MPIG6B: variants seen among roughly 807,000 people sequenced by gnomAD.
MPIG6B encodes immunoglobulin receptor.
A neutral mutation model predicts 24.2 loss-of-function variants in MPIG6B; 22 were observed. That is an observed-to-expected ratio of 0.91 (90% CI 0.65 to 1.30). The LOEUF (loss-of-function observed/expected upper bound fraction) is 1.30, where lower values mean the gene tolerates loss of function less well. Ranked by LOEUF, MPIG6B falls within the 50% of genes most tolerant of loss-of-function variation. MPIG6B has a pLI of 0.00. For missense variants in MPIG6B, 301 were observed against 318.5 expected, an observed-to-expected ratio of 0.94 and a Z score of 0.42; for synonymous variants, 136 against 142.0, an observed-to-expected ratio of 0.96 and a Z score of 0.30.
upstream of MPIG6B, among the ~76,000 whole-genome samples, chr6:31,722,818 G>A (rs1806897524): frequency 1.5e-5 from 2 of 132,060 alleles, no homozygotes; most frequent in Non-Finnish European, 1.5e-5. Context: ...TTGCACTCCA[G>A]CCTGGCCACA....
chr6:31,723,028 G>A (rs1037866973), upstream of MPIG6B: 3 of 382,546 alleles, frequency 7.8e-6, no homozygotes, highest in African/African-American at 2.1e-5. This position sits in a 1 kb window ranked among gnomAD's most constrained non-coding sequence, Gnocchi z 4.3. Flanking sequence ...TGTCGCCCAG[G>A]CTGGAGTGCA....
rs1466411074 is a variant in MPIG6B at position 31,723,421 on chromosome 6, C to T, written c.38C>T (p.Ser13Leu). ...VFLQLLPLLLSRAQGNPGASL... is the reference protein window; with the variant it reads ...VFLQLLPLLLLRAQGNPGASL... ...CTGCAGCTGCTACCGCTGCTGCTCT[C>T]GAGGGCCCAAGGGAACCCTGGGGGT... The change falls in exon 1 of 6, where the codon TCG becomes TTG. Residue 13 changes from serine (S) to leucine (L), a missense_variant. Physicochemically the swap from Ser to Leu is moderately radical, Grantham distance 145. Transcript: ENST00000649779. This position sits in a 1 kb window ranked among gnomAD's most constrained non-coding sequence, Gnocchi z 4.3. 1.9e-6 allele frequency: 3 copies of T among 1,612,972 alleles called. No individual in the cohort carries two copies. Among genetic ancestry groups the T allele is most frequent in the African/African-American group, 2.7e-5 (2 of 75,008 alleles).
At position 31,723,780 on chromosome 6, in the gene MPIG6B, C is replaced by T. The variant is rs1374385431; in HGVS notation, c.203C>T (p.Ser68Leu). 6.8e-6 allele frequency: 11 copies of T among 1,613,812 alleles called. No individual in the cohort carries two copies. The highest frequency in any genetic ancestry group is 9.3e-6 in the Non-Finnish European group (11 of 1,180,002). ...CGCCGACCGATCCTGTGGGCCTCTT[C>T]GAGCGGGACCCCCACCGTGCCTCCC... is the stretch of plus-strand genomic sequence containing the variant. ...KGRRPILWAS[S>L]SGTPTVPPLQ... The change falls in exon 2 of 6, where the codon TCG (serine) becomes TTG (leucine). Residue 68 changes from serine to leucine, a missense_variant. Ser to Leu is a moderately radical substitution (Grantham distance 145). Transcript: ENST00000649779. This position sits in a 1 kb window ranked among gnomAD's most constrained non-coding sequence, Gnocchi z 4.3.
intron 4 of MPIG6B, 54 bp from the exon 5 acceptor site, chr6:31,724,711 G>A (rs762329076): frequency 3.1e-6 from 5 of 1,607,120 alleles, no homozygotes; most frequent in Admixed American, 1.7e-5. Context: ...CTTGCTGGGA[G>A]CAGACACGTT....
At position 31,726,057 on chromosome 6, in the gene MPIG6B, A is replaced by G. The variant is rs1032544750; in HGVS notation, c.*983A>G. 1 of 152,358 alleles carries G rather than the reference A, an allele frequency of 6.6e-6. No individual in the cohort carries two copies. The highest frequency in any genetic ancestry group is 6.5e-5 in the Admixed American group (1 of 15,268). The allele number at this position is 152,358 out of a possible 1,614,324, so 9.4% of individuals were successfully genotyped here. On this transcript the variant is annotated 3_prime_UTR_variant, in exon 6 of 6. Coordinates refer to ENST00000649779, the MANE Select transcript of MPIG6B (RefSeq NM_138272.3). This position sits in a 1 kb window ranked among gnomAD's most constrained non-coding sequence, Gnocchi z 5.1. ...AGTCCAGTCTTTCTATCTTAACATC[A>G]CTGTCAAACCCACACTGTATTCCAT...
chr6:31,723,852 G>A lies in MPIG6B; in HGVS notation c.275G>A (p.Arg92Gln). The A allele has an allele frequency of 5.6e-6, 9 of 1,610,308 alleles. No individual in the cohort carries two copies. The highest frequency in any genetic ancestry group is 3.3e-4 in the Middle Eastern group (2 of 6,036). Residue 92 changes from arginine (R) to glutamine (Q), a missense_variant, in exon 2 of 6, where the codon CGG becomes CAG. Physicochemically the swap from Arg to Gln is conservative, Grantham distance 43. Coordinates refer to ENST00000649779, the MANE Select transcript of MPIG6B (RefSeq NM_138272.3). The surrounding 1 kb of genome is among the most constrained non-coding windows in gnomAD (Gnocchi z 4.3). Reference sequence around the variant, plus strand: ...CTACGCTCCCTGGACTCTGGTATCCGGCGGCTGGAGCTCCTCTTGAGCGCG... The same window carrying A: ...CTACGCTCCCTGGACTCTGGTATCCAGCGGCTGGAGCTCCTCTTGAGCGCG... ...GRLRSLDSGIRRLELLLSAGD... is the reference protein window; with the variant it reads ...GRLRSLDSGIQRLELLLSAGD...
chr6:31,722,214 C>CAA (rs1232142554), upstream of MPIG6B, among the ~76,000 whole-genome samples: 1 of 152,116 alleles, frequency 6.6e-6, no homozygotes, highest in African/African-American at 2.4e-5. Flanking sequence ...CATTCAGCCC[C>CAA]CACTCGGTCT....
intron 3 of MPIG6B, 53 bp downstream of exon 3, chr6:31,724,285 G>A: frequency 7.0e-7 from 1 of 1,418,868 alleles, no homozygotes. Context: ...GAGGTGGAAG[G>A]GGCAGGACCA....
Position 31,724,196 on chromosome 6 carries a change from G to A in MPIG6B, c.464G>A (p.Gly155Glu). 1 of 1,613,248 alleles carries A rather than the reference G, an allele frequency of 6.2e-7. No individual in the cohort carries two copies. Among genetic ancestry groups the A allele is most frequent in the African/African-American group, 1.3e-5 (1 of 75,040 alleles). ...CTGCTGGGCGCTGGGTTGGTGCTCG[G>A]ACTGGGAGCTTTGGGCCTGGTCTGG... ...IPLLGAGLVLGLGALGLVWWL... is the reference protein window; with the variant it reads ...IPLLGAGLVLELGALGLVWWL... Residue 155 changes from glycine to glutamate, a missense_variant, in exon 3 of 6, where the codon GGA becomes GAA. Physicochemically the swap from Gly to Glu is moderately conservative, Grantham distance 98. Transcript: ENST00000649779.
In MPIG6B at chr6:31,724,781, C is replaced by T. The variant is rs34741956; in HGVS notation, c.558C>T (p.Thr186=). Residue 186 remains threonine, a synonymous_variant, in exon 5 of 6, where the codon ACC becomes ACT. Transcript: ENST00000649779. Reference sequence around the variant, plus strand: ...CCCACATAGCTCCACTTGTGAAAACCGAGCCCCAGAGGCCAGTAAAGGAGG... The same window carrying T: ...CCCACATAGCTCCACTTGTGAAAACTGAGCCCCAGAGGCCAGTAAAGGAGG... ...PLPRFAPLVK[T]EPQRPVKEEE... The T allele has an allele frequency of 2.5e-4, 409 of 1,614,042 alleles. 1 individual carries two copies. In the African/African-American group the frequency reaches 3.9e-3, roughly 15 times the overall value.
chr6:31,724,795 C>T lies in MPIG6B; in HGVS notation c.572C>T (p.Pro191Leu). Residue 191 changes from proline to leucine, a missense_variant, in exon 5 of 6, where the codon CCA (proline) becomes CTA (leucine). Coordinates refer to ENST00000649779, the MANE Select transcript of MPIG6B (RefSeq NM_138272.3). ...CTTGTGAAAACCGAGCCCCAGAGGC[C>T]AGTAAAGGAGGAAGAGCCCAAGATT... ...APLVKTEPQR[P>L]VKEEEPKIPG... 6.2e-7 allele frequency: 1 copy of T among 1,613,914 alleles called. No homozygotes were observed. Among genetic ancestry groups the T allele is most frequent in the Non-Finnish European group, 8.5e-7 (1 of 1,180,016 alleles).
chr6:31,724,987 T>C lies in MPIG6B; in HGVS notation c.639T>C (p.Asp213=). The change falls in exon 6 of 6, where the codon GAT becomes GAC. Residue 213 remains aspartate, a synonymous_variant. Transcript: ENST00000649779. ...LDQEPSLLYA[D]LDHLALSRPR... ...TCCTCCAGAGCCTGCTCTATGCGGATCTGGACCATCTAGCCCTCAGCAGGC... is the reference window on the plus strand; with the variant it reads ...TCCTCCAGAGCCTGCTCTATGCGGACCTGGACCATCTAGCCCTCAGCAGGC... 1 of 1,613,916 alleles carries C rather than the reference T, an allele frequency of 6.2e-7. No individual in the cohort carries two copies. Among genetic ancestry groups the C allele is most frequent in the Non-Finnish European group, 8.5e-7 (1 of 1,179,976 alleles).
At position 31,724,610 on chromosome 6, in the gene MPIG6B, G is replaced by T. The variant is rs1807168391; in HGVS notation, c.524G>T (p.Arg175Leu). 7 of 1,613,822 alleles carry T rather than the reference G, an allele frequency of 4.3e-6. No individual in the cohort carries two copies. The highest frequency in any genetic ancestry group is 5.9e-6 in the Non-Finnish European group (7 of 1,179,736). ...LHRRLPPQPIRPLPRFAPLVK... is the reference protein window; with the variant it reads ...LHRRLPPQPILPLPRFAPLVK... ...AGGCGCCTGCCCCCGCAACCGATTC[G>T]ACCACTCCCTAGATTTGGTGAGACT... The change falls in exon 4 of 6, where the codon CGA becomes CTA. Residue 175 changes from arginine to leucine, a missense_variant. Arg to Leu is a moderately radical substitution (Grantham distance 102). Transcript: ENST00000649779.
rs1490490089 is a variant in MPIG6B at position 31,725,029 on chromosome 6, A to G, written c.681A>G (p.Thr227=). ...TCAGCAGGCCCCGCCGGCTGTCCAC[A>G]GCGGACCCTGCTGATGCCTCCACCA... ...LALSRPRRLS[T]ADPADASTIY... The change falls in exon 6 of 6, where the codon ACA becomes ACG. Residue 227 remains threonine (T), a synonymous_variant. Transcript: ENST00000649779. This position sits in a 1 kb window ranked among gnomAD's most constrained non-coding sequence, Gnocchi z 5.2. 1 of 1,613,686 alleles carries G rather than the reference A, an allele frequency of 6.2e-7. No homozygotes were observed. Among genetic ancestry groups the G allele is most frequent in the East Asian group, 2.2e-5 (1 of 44,888 alleles).
At chr6:31,723,262 C>T, upstream of MPIG6B, 1 of 728,794 alleles carries the variant, frequency 1.4e-6, no homozygotes, top group African/African-American at 1.8e-5. The surrounding 1 kb of genome is among the most constrained non-coding windows in gnomAD (Gnocchi z 4.3). Context: ...TGGCCCCGCC[C>T]CCTCTCTTAT....
At chr6:31,721,252 A>G (rs1253590433), upstream of MPIG6B, among the ~76,000 whole-genome samples, 1 of 152,174 alleles carries the variant, frequency 6.6e-6, no homozygotes, top group Non-Finnish European at 1.5e-5. Context: ...TACTGAGCAC[A>G]GCAGATAGAG....
upstream of MPIG6B, chr6:31,721,568 G>A: frequency 6.6e-7 from 1 of 1,526,460 alleles, no homozygotes; most frequent in Non-Finnish European, 9.1e-7. Flanking sequence ...GAAGTGGGTA[G>A]AGCAGGGTGT....
At chr6:31,721,896 G>A, upstream of MPIG6B, 1 of 531,834 alleles carries the variant, frequency 1.9e-6, no homozygotes, top group Non-Finnish European at 3.3e-6. Flanking sequence ...TGGGGAGTAG[G>A]GATGGGAGAG....
Position 31,725,392 on chromosome 6 carries a change from C to G in MPIG6B, c.*318C>G. 1 of 284,822 alleles carries G rather than the reference C, an allele frequency of 3.5e-6. No individual in the cohort carries two copies. The highest frequency in any genetic ancestry group is 6.5e-6 in the Non-Finnish European group (1 of 153,528). 17.6% of individuals were successfully genotyped at this position (284,822 alleles called of 1,614,324 possible). On this transcript the variant is annotated 3_prime_UTR_variant, in exon 6 of 6. Transcript: ENST00000649779. The surrounding 1 kb of genome is among the most constrained non-coding windows in gnomAD (Gnocchi z 5.2). ...TGCCCAGGCTGGAGTGCAGTGACAC[C>G]ATCTCCCTCACTGCAAGCTCCGCCT...
Sources: gnomAD v4.1 joint callset for allele counts (sites outside exome capture counted in the v4.1 genomes callset) on GRCh38, gnomAD v4.1.1 for gene constraint, Gnocchi (gnomAD v3.1) non-coding constraint, MANE v1.5 for transcripts, NCBI Gene and HGNC (gene_info 2026-07-23, HGNC 2026-07-21) for gene names.